CNTN5: variants seen among roughly 807,000 people sequenced by gnomAD.
The protein encoded by CNTN5 is contactin-5.
CNTN5 carries 77 observed loss-of-function variants against 129.1 expected under a neutral mutation model. That is an observed-to-expected ratio of 0.60 (90% CI 0.50 to 0.72). The LOEUF (loss-of-function observed/expected upper bound fraction) is 0.72. Among genes scored for constraint, CNTN5 ranks in the 30% least tolerant of loss-of-function variants. The probability of loss-of-function intolerance (pLI) is 0.00; values close to 1 mark genes in which losing one functional copy is unlikely to be tolerated. For missense variants in CNTN5, 1,478 were observed against 1,328.8 expected (o/e 1.11, Z -1.75); for synonymous variants, 509 against 465.6 (o/e 1.09, Z -1.20).
At chr11:100,305,335 A>G (rs1450614220) in intron 20 of CNTN5, among the ~76,000 whole-genome samples, 1 of 151,608 alleles carries the variant, frequency 6.6e-6, no homozygotes, top group Admixed American at 6.6e-5. Flanking sequence ...GTGTGAGACA[A>G]TTGTGAGTGG....
chr11:99,097,500 C>T (rs753534429), intron 1 of CNTN5, among the ~76,000 whole-genome samples: 5 of 151,840 alleles, frequency 3.3e-5, no homozygotes, highest in Non-Finnish European at 5.9e-5. Context: ...ATTTTGAAAT[C>T]AAATCCATAA....
chr11:99,503,607 C>A (rs897000264), intron 2 of CNTN5, among the ~76,000 whole-genome samples: 5 of 152,064 alleles, frequency 3.3e-5, no homozygotes, highest in African/African-American at 9.7e-5. Flanking sequence ...TATCTTTCAC[C>A]TTTGTTGGAC....
chr11:99,458,011 A>G (rs1187370757), intron 2 of CNTN5, among the ~76,000 whole-genome samples: 2 of 151,888 alleles, frequency 1.3e-5, no homozygotes, highest in Non-Finnish European at 2.9e-5. Context: ...AAATCTTAAT[A>G]CTTCTGAATT....
At chr11:99,264,583 G>A (rs1862798912) in intron 1 of CNTN5, among the ~76,000 whole-genome samples, 1 of 151,992 alleles carries the variant, frequency 6.6e-6, no homozygotes, top group Non-Finnish European at 1.5e-5. Flanking sequence ...GCAACATGAA[G>A]ATGATAGATT....
At chr11:99,295,860 G>GC (rs1335379218) in intron 1 of CNTN5, among the ~76,000 whole-genome samples, 2 of 142,464 alleles carry the variant, frequency 1.4e-5, no homozygotes, top group African/African-American at 2.6e-5. Flanking sequence ...TCTGGCCTGG[G>GC]CGACAGAGCG....
intron 3 of CNTN5, among the ~76,000 whole-genome samples, chr11:99,797,637 C>T (rs770456531): frequency 3.9e-5 from 6 of 151,952 alleles, no homozygotes; most frequent in Non-Finnish European, 7.4e-5. Flanking sequence ...TTGTTTTTTG[C>T]TTGTTAATCT....
At chr11:99,961,594 G>GT in intron 8 of CNTN5, among the ~76,000 whole-genome samples, 1 of 152,128 alleles carries the variant, frequency 6.6e-6, no homozygotes, top group East Asian at 1.9e-4. Flanking sequence ...TAAGAAATGG[G>GT]ATTCAATAAA....
chr11:99,176,258 G>A (rs966117070), intron 1 of CNTN5, among the ~76,000 whole-genome samples: 1 of 151,840 alleles, frequency 6.6e-6, no homozygotes, highest in South Asian at 2.1e-4. Flanking sequence ...CAGACCGAGA[G>A]GTTAAGAGAC....
At chr11:99,840,854 T>C (rs1309279220) in intron 4 of CNTN5, among the ~76,000 whole-genome samples, 1 of 152,114 alleles carries the variant, frequency 6.6e-6, no homozygotes, top group Non-Finnish European at 1.5e-5. Flanking sequence ...AATGTAAGTA[T>C]ATGGATTTAA....
intron 23 of CNTN5, among the ~76,000 whole-genome samples, chr11:100,342,524 A>G (rs963423313): frequency 1.3e-5 from 2 of 152,098 alleles, no homozygotes; most frequent in Admixed American, 6.6e-5. Flanking sequence ...AGAATAGAGA[A>G]ATACTATATA....
At chr11:99,332,156 A>T (rs374762050) in intron 2 of CNTN5, among the ~76,000 whole-genome samples, 182 of 152,232 alleles carry the variant, frequency 1.2e-3, no homozygotes, top group African/African-American at 4.2e-3. Flanking sequence ...AATTTTTGAC[A>T]ACTCATTATC....
intron 13 of CNTN5, among the ~76,000 whole-genome samples, chr11:100,173,236 G>C (rs988283673): frequency 6.6e-6 from 1 of 151,984 alleles, no homozygotes; most frequent in South Asian, 2.1e-4. Flanking sequence ...TTACATATGA[G>C]AATATTAAAG....
At chr11:99,541,123 A>T (rs1361137962) in intron 2 of CNTN5, among the ~76,000 whole-genome samples, 1 of 152,178 alleles carries the variant, frequency 6.6e-6, no homozygotes, top group Admixed American at 6.6e-5. Flanking sequence ...CACTTGAGAA[A>T]TAACTCTGCC....
intron 2 of CNTN5, among the ~76,000 whole-genome samples, chr11:99,368,062 T>C (rs1311289674): frequency 6.6e-6 from 1 of 152,132 alleles, no homozygotes; most frequent in East Asian, 1.9e-4. Flanking sequence ...TCTTTCAAGA[T>C]CCTATTCTCT....
chr11:99,702,529 T>C (rs1954568596), intron 3 of CNTN5, among the ~76,000 whole-genome samples: 1 of 150,912 alleles, frequency 6.6e-6, no homozygotes, highest in South Asian at 2.1e-4. Flanking sequence ...TCATAATCAG[T>C]TTTGTTATAA....
chr11:99,171,923 G>A (rs1178272792), intron 1 of CNTN5, among the ~76,000 whole-genome samples: 2 of 152,122 alleles, frequency 1.3e-5, no homozygotes, highest in Non-Finnish European at 2.9e-5. Flanking sequence ...GCAACGGAAA[G>A]TTACTTCCGA....
intron 2 of CNTN5, among the ~76,000 whole-genome samples, chr11:99,446,709 T>C (rs924415088): frequency 4.6e-5 from 7 of 152,238 alleles, no homozygotes; most frequent in South Asian, 2.1e-4. Flanking sequence ...CTTCTTTACA[T>C]TGATATTTCT....
intron 1 of CNTN5, among the ~76,000 whole-genome samples, chr11:99,149,940 A>G (rs1277917766): frequency 6.6e-6 from 1 of 152,102 alleles, no homozygotes; most frequent in African/African-American, 2.4e-5. Flanking sequence ...GGAGGCCAGG[A>G]GTATTGTATA....
chr11:100,094,458 A>T (rs919566083), intron 13 of CNTN5, among the ~76,000 whole-genome samples: 27 of 152,166 alleles, frequency 1.8e-4, no homozygotes, highest in Non-Finnish European at 3.1e-4. Flanking sequence ...CTTGATTTTT[A>T]AAGAGTCAGT....
Sources: allele counts gnomAD v4.1 joint callset (sites outside exome capture counted in the v4.1 genomes callset), GRCh38; gene constraint gnomAD v4.1.1; transcripts MANE v1.5; gene names NCBI Gene and HGNC (gene_info 2026-07-23, HGNC 2026-07-21).